VPS13B: variants seen among roughly 807,000 people sequenced by gnomAD.
VPS13B encodes the protein vacuolar protein sorting 13 homolog B, also known as intermembrane lipid transfer protein VPS13B.
A neutral mutation model predicts 426.4 loss-of-function variants in VPS13B; 285 were observed. The ratio of observed to expected loss-of-function variants is 0.67; its 90% confidence interval spans 0.61 to 0.74. The LOEUF is 0.74. Among genes scored for constraint, VPS13B ranks in the 30% least tolerant of loss-of-function variants. VPS13B has a pLI of 0.00. For missense variants in VPS13B, 4,537 were observed against 4,782.6 expected (o/e 0.95, Z 1.51); for synonymous variants, 1,676 against 1,676.4 (o/e 1.00, Z 0.01).
chr8:99,304,174 A>T (rs1301335570), intron 19 of VPS13B, among the ~76,000 whole-genome samples: 1 of 152,132 alleles, frequency 6.6e-6, no homozygotes, highest in African/African-American at 2.4e-5. Context: ...AGATTAATGA[A>T]TTCATGTAAT....
intron 16 of VPS13B, among the ~76,000 whole-genome samples, chr8:99,184,730 C>T (rs1438316000): frequency 6.6e-6 from 1 of 152,162 alleles, no homozygotes; most frequent in Non-Finnish European, 1.5e-5. Flanking sequence ...GTGGCTCACA[C>T]CTGTAATCCT....
chr8:99,377,660 G>A (rs982479319), intron 19 of VPS13B, among the ~76,000 whole-genome samples: 2 of 152,122 alleles, frequency 1.3e-5, no homozygotes, highest in Non-Finnish European at 2.9e-5. Flanking sequence ...TTTTCCCTAA[G>A]TGTTGGCTGG....
chr8:99,222,809 G>A (rs535920375), intron 17 of VPS13B, among the ~76,000 whole-genome samples: 7 of 152,228 alleles, frequency 4.6e-5, no homozygotes, highest in African/African-American at 1.7e-4. Flanking sequence ...CATTATTGGT[G>A]TATATATCAC....
chr8:99,042,889 CTT>C (rs983587043), intron 3 of VPS13B, among the ~76,000 whole-genome samples: 75 of 152,256 alleles, frequency 4.9e-4, no homozygotes, highest in African/African-American at 1.7e-3. Flanking sequence ...TATGTCAACT[CTT>C]TTTATAGTTT....
chr8:99,429,404 C>G (rs1004477771), intron 21 of VPS13B, among the ~76,000 whole-genome samples: 1 of 150,178 alleles, frequency 6.7e-6, no homozygotes, highest in Admixed American at 6.6e-5. Flanking sequence ...AAGTTACTAG[C>G]CAAATAACTT....
At position 99,861,954 on chromosome 8, in the gene VPS13B, G is replaced by C; in HGVS notation, c.11215+8G>C. On this transcript the variant is annotated splice_region_variant and intron_variant, in intron 58 of 61. Coordinates refer to ENST00000357162, the MANE Select transcript of VPS13B (RefSeq NM_152564.5). ...TGGGCATCAGCCTGCTTGGTAAGGG[G>C]CTGCGGGGCCTCCCACCTGTCTGTA... 6.3e-7 allele frequency: 1 copy of C among 1,579,886 alleles called. No individual in the cohort carries two copies. The highest frequency in any genetic ancestry group is 8.6e-7 in the Non-Finnish European group (1 of 1,165,742).
chr8:99,180,131 A>C (rs1438829339), intron 16 of VPS13B, among the ~76,000 whole-genome samples: 1 of 152,168 alleles, frequency 6.6e-6, no homozygotes, highest in African/African-American at 2.4e-5. Flanking sequence ...TGTCTGTTTT[A>C]AATTAACTTG....
At chr8:99,795,908 A>C (rs1812787240) in intron 43 of VPS13B, among the ~76,000 whole-genome samples, 2 of 152,156 alleles carry the variant, frequency 1.3e-5, no homozygotes, top group African/African-American at 4.8e-5. Context: ...TTTTATTTGT[A>C]ATATCCTACA....
At chr8:99,411,364 T>C (rs1815653889) in intron 21 of VPS13B, among the ~76,000 whole-genome samples, 3 of 152,376 alleles carry the variant, frequency 2.0e-5, no homozygotes, top group East Asian at 3.9e-4. Context: ...TGTCTTCTTT[T>C]GAGAAGTGTC....
chr8:99,228,777 A>G (rs1816159791), intron 17 of VPS13B, among the ~76,000 whole-genome samples: 1 of 152,214 alleles, frequency 6.6e-6, no homozygotes, highest in African/African-American at 2.4e-5. Flanking sequence ...ATAGGGAAAC[A>G]GATATATAAG....
chr8:99,050,797 A>T (rs1843500913), intron 3 of VPS13B, among the ~76,000 whole-genome samples: 2 of 152,102 alleles, frequency 1.3e-5, no homozygotes, highest in African/African-American at 4.8e-5. Flanking sequence ...ATGATGAGCA[A>T]GTTTTCATGT....
chr8:99,565,468 T>C (rs1012043405), intron 31 of VPS13B, among the ~76,000 whole-genome samples: 11 of 152,090 alleles, frequency 7.2e-5, no homozygotes, highest in African/African-American at 2.7e-4. Context: ...AGTTCATCAG[T>C]CTTATACTTC....
At chr8:99,434,377 C>G (rs1817269037) in intron 22 of VPS13B, among the ~76,000 whole-genome samples, 1 of 152,098 alleles carries the variant, frequency 6.6e-6, no homozygotes, top group Non-Finnish European at 1.5e-5. Context: ...TTTATTGCGG[C>G]TTTTTGAGAC....
rs386834090 is a variant in VPS13B, at chr8:99,103,002, GATAA to G, written c.467_470del (p.Asn156IlefsTer4). 3.6e-5 allele frequency: 58 copies of G among 1,612,424 alleles called. No homozygotes were observed. The highest frequency in any genetic ancestry group is 4.6e-5 in the Non-Finnish European group (54 of 1,178,766). On this transcript the variant is annotated frameshift_variant, in exon 5 of 62. Transcript: ENST00000357162. LOFTEE classifies it high-confidence loss of function. The stretch of plus-strand genomic sequence containing the variant: ...GAGTTGTAAATAATGTAAACATTGT[GATAA>G]ATAATCTCATACTAAAATATGTTGA...
intron 39 of VPS13B, among the ~76,000 whole-genome samples, chr8:99,739,347 C>T (rs1833970115): frequency 6.6e-6 from 1 of 152,238 alleles, no homozygotes; most frequent in Non-Finnish European, 1.5e-5. Context: ...TGGTGGAGCC[C>T]ACCGCAGCTC....
At chr8:99,042,081 G>T (rs1171398169) in intron 3 of VPS13B, among the ~76,000 whole-genome samples, 1 of 150,432 alleles carries the variant, frequency 6.6e-6, no homozygotes, top group East Asian at 2.0e-4. Flanking sequence ...CGGAGGTTGT[G>T]GTGTGCAGAG....
intron 39 of VPS13B, among the ~76,000 whole-genome samples, chr8:99,753,879 T>C (rs1810513295): frequency 6.6e-6 from 1 of 152,136 alleles, no homozygotes; most frequent in Admixed American, 6.6e-5. Flanking sequence ...TAAGCCACAA[T>C]ACCAGTGGGG....
intron 17 of VPS13B, among the ~76,000 whole-genome samples, chr8:99,206,379 G>A (rs1047058467): frequency 2.0e-5 from 3 of 152,058 alleles, no homozygotes; most frequent in African/African-American, 7.2e-5. Context: ...CATTTCATGT[G>A]GGATACCTTA....
At chr8:99,597,603 A>G (rs746561662) in intron 33 of VPS13B, among the ~76,000 whole-genome samples, 1 of 151,980 alleles carries the variant, frequency 6.6e-6, no homozygotes, top group Non-Finnish European at 1.5e-5. Context: ...TTGGAATAAC[A>G]GTGATGGAAG....
Sources: gnomAD v4.1 joint callset for allele counts (sites outside exome capture counted in the v4.1 genomes callset) on GRCh38, gnomAD v4.1.1 for gene constraint, MANE v1.5 for transcripts, NCBI Gene and HGNC (gene_info 2026-07-23, HGNC 2026-07-21) for gene names.